Variants in PTGFRN observed in about 807,000 individuals in gnomAD.
PTGFRN encodes the protein prostaglandin F2 receptor negative regulator.
A neutral mutation model predicts 83.2 loss-of-function variants in PTGFRN; 35 were observed. That is an observed-to-expected ratio of 0.42 (90% CI 0.32 to 0.56). The LOEUF (loss-of-function observed/expected upper bound fraction) is 0.56, where lower values mean the gene tolerates loss of function less well. Ranked by LOEUF, PTGFRN falls within the 20% of genes least tolerant of loss-of-function variation. The pLI is 0.11. For synonymous variants in PTGFRN, 519 were observed against 498.6 expected (o/e 1.04, Z -0.55); for missense variants, 1,051 against 1,179.5 (o/e 0.89, Z 1.60).
At chr1:116,951,200 G>A (rs1160960690) in intron 4 of PTGFRN, among the ~76,000 whole-genome samples, 1 of 152,246 alleles carries the variant, frequency 6.6e-6, no homozygotes, top group African/African-American at 2.4e-5. Context: ...GCATACCCGG[G>A]GGGAGATGCA....
chr1:116,919,535 C>G (rs1206200575), intron 1 of PTGFRN, among the ~76,000 whole-genome samples: 1 of 152,158 alleles, frequency 6.6e-6, no homozygotes, highest in Admixed American at 6.5e-5. Flanking sequence ...GCAGCCGGAA[C>G]CAGCTAATGC....
chr1:116,967,048 G>A lies in PTGFRN; in HGVS notation c.1777G>A (p.Val593Ile), dbSNP rs1415522588. The A allele has an allele frequency of 6.2e-7, 1 of 1,614,236 alleles. No individual in the cohort carries two copies. Among genetic ancestry groups the A allele is most frequent in the Non-Finnish European group, 8.5e-7 (1 of 1,180,048 alleles). Residue 593 changes from valine to isoleucine, a missense_variant, in exon 6 of 9, where the codon GTC becomes ATC. This residue lies in a region of PTGFRN where 719 missense variants were observed against 836.6 expected (regional missense o/e 0.86). Coordinates refer to ENST00000393203, the MANE Select transcript of PTGFRN (RefSeq NM_020440.4). ...TGTTCTCATCATGGCTGAGAAGCCT[G>A]TCGGCGACCTCTCCAGTCCCAATGA... ...YSVLIMAEKP[V>I]GDLSSPNETK...
In PTGFRN at chr1:116,952,773, G is replaced by A. The variant is rs1650383980; in HGVS notation, c.1213+3201G>A. Among the ~76,000 whole-genome samples the A allele has an allele frequency of 6.6e-6, 1 of 152,112 alleles. No individual in the cohort carries two copies. Among genetic ancestry groups the A allele is most frequent in the Non-Finnish European group, 1.5e-5 (1 of 68,030 alleles). Reference sequence around the variant, plus strand: ...GGGCATTGGAAAAGATAATAGACAGGGCTTTCAACTGTTCTTTTACAAAAG... The same window carrying A: ...GGGCATTGGAAAAGATAATAGACAGAGCTTTCAACTGTTCTTTTACAAAAG... On this transcript the variant is annotated intron_variant, in intron 4 of 8. Coordinates refer to ENST00000393203, the MANE Select transcript of PTGFRN (RefSeq NM_020440.4). The surrounding 1 kb of genome is among the most constrained non-coding windows in gnomAD (Gnocchi z 4.0).
rs112016391 is a variant in PTGFRN, at chr1:116,950,002, AT to A, written c.1213+440del. 5.4e-4 allele frequency among the ~76,000 whole-genome samples: 80 copies of A among 149,018 alleles called. 1 individual carries two copies. The highest frequency in any genetic ancestry group is 8.7e-4 in the Admixed American group (13 of 14,926). ...ATAATTCCTTCAGTTATTAGAAAGC[AT>A]TTTTTTTTTCACGTCACGCCCTGGA... On this transcript the variant is annotated intron_variant, in intron 4 of 8. Transcript: ENST00000393203.
intron 1 of PTGFRN, among the ~76,000 whole-genome samples, chr1:116,912,044 A>G (rs558102105): frequency 6.6e-6 from 1 of 152,336 alleles, no homozygotes; most frequent in South Asian, 2.1e-4. Flanking sequence ...CCTGGGTACC[A>G]GTTATGAGGG....
Position 116,949,343 on chromosome 1 carries a change from C to T in PTGFRN, c.984C>T (p.Ser328=). The change falls in exon 4 of 9, where the codon TCC becomes TCT. Residue 328 remains serine, a synonymous_variant. Transcript: ENST00000393203. ...TGCCTGACAGCACCCTACCTGGCTC[C>T]CGCGTGTTGGCGCGGCTTGACCGTG... The part of the protein sequence containing the change: ...SRMPDSTLPG[S]RVLARLDRDS... 1 of 1,614,270 alleles carries T rather than the reference C, an allele frequency of 6.2e-7. No homozygotes were observed. The highest frequency in any genetic ancestry group is 8.5e-7 in the Non-Finnish European group (1 of 1,180,044).
intron 4 of PTGFRN, among the ~76,000 whole-genome samples, chr1:116,951,550 GA>G (rs1557740988): frequency 6.6e-6 from 1 of 152,202 alleles, no homozygotes; most frequent in Non-Finnish European, 1.5e-5. Flanking sequence ...ATGTGCATAG[GA>G]AAGCTAGAAT....
intron 1 of PTGFRN, among the ~76,000 whole-genome samples, chr1:116,925,008 G>GA (rs1256479445): frequency 1.3e-5 from 2 of 152,212 alleles, no homozygotes; most frequent in Non-Finnish European, 2.9e-5. Flanking sequence ...CTGAGGTGGG[G>GA]AAGGATCAGG....
intron 1 of PTGFRN, among the ~76,000 whole-genome samples, chr1:116,939,075 G>A (rs552024240): frequency 1.3e-5 from 2 of 152,184 alleles, no homozygotes; most frequent in African/African-American, 4.8e-5. Flanking sequence ...CCTCCCTCCC[G>A]GCTGCTTTCA....
At chr1:116,914,848 T>G (rs976213768) in intron 1 of PTGFRN, among the ~76,000 whole-genome samples, 7 of 144,000 alleles carry the variant, frequency 4.9e-5, no homozygotes, top group East Asian at 3.9e-4. Flanking sequence ...GAGTATTTTG[T>G]TTTTTTTTCC....
rs975488939 is a variant in PTGFRN, at chr1:116,923,018, G to A, written c.49+12766G>A. 3.3e-5 allele frequency among the ~76,000 whole-genome samples: 5 copies of A among 152,156 alleles called. No individual in the cohort carries two copies. Among genetic ancestry groups the A allele is most frequent in the Admixed American group, 6.5e-5 (1 of 15,278 alleles). Reference sequence around the variant, plus strand: ...CCGCCTACAGCATGGGCCAGCCTGCGTCAGCTCTTGGTGATGGGCTGTCAC... The same window carrying A: ...CCGCCTACAGCATGGGCCAGCCTGCATCAGCTCTTGGTGATGGGCTGTCAC... On this transcript the variant is annotated intron_variant, in intron 1 of 8. Coordinates refer to ENST00000393203, the MANE Select transcript of PTGFRN (RefSeq NM_020440.4). This position sits in a 1 kb window ranked among gnomAD's most constrained non-coding sequence, Gnocchi z 4.0.
chr1:116,942,217 TTAAA>T (rs1289595834), intron 2 of PTGFRN, 134 bp downstream of exon 2: 3 of 1,249,054 alleles, frequency 2.4e-6, no homozygotes, highest in Non-Finnish European at 3.3e-6. Context: ...TAATCATGTC[TTAAA>T]TAATCATGTC....
chr1:116,967,144 G>A lies in PTGFRN; in HGVS notation c.1873G>A (p.Val625Met), dbSNP rs2101080250. Residue 625 changes from valine to methionine, a missense_variant, in exon 6 of 9, where the codon GTG becomes ATG. Physicochemically the swap from Val to Met is conservative, Grantham distance 21. Around this residue, in one of 3 missense-constraint regions of PTGFRN, gnomAD observed 719 missense variants for 836.6 expected, o/e 0.86. Transcript: ENST00000393203. ...GGAGAATTGGACAGATGCATCACGG[G>A]TGGATGGCGTTGTTTTAGAAAAAGT... ...KLENWTDASR[V>M]DGVVLEKVQE... is the part of the protein sequence containing the mutation. The A allele has an allele frequency of 6.2e-7, 1 of 1,614,224 alleles. No individual in the cohort carries two copies. Among genetic ancestry groups the A allele is most frequent in the Non-Finnish European group, 8.5e-7 (1 of 1,180,048 alleles).
chr1:116,983,751 CA>C (rs1199786835), intron 7 of PTGFRN, among the ~76,000 whole-genome samples: 1 of 151,998 alleles, frequency 6.6e-6, no homozygotes, highest in Non-Finnish European at 1.5e-5. Flanking sequence ...TCTTGTTCGG[CA>C]AAAAATTGTG....
At chr1:116,917,698 C>T (rs974092642) in intron 1 of PTGFRN, among the ~76,000 whole-genome samples, 2 of 152,174 alleles carry the variant, frequency 1.3e-5, no homozygotes, top group Admixed American at 1.3e-4. Context: ...GGTGCAATCA[C>T]GGCTCATTGC....
At chr1:116,969,116 A>C (rs1650920529) in intron 6 of PTGFRN, among the ~76,000 whole-genome samples, 1 of 137,538 alleles carries the variant, frequency 7.3e-6, no homozygotes, top group Non-Finnish European at 1.6e-5. Flanking sequence ...AGTCCAGTTT[A>C]TCTGTTTTTT....
chr1:116,974,450 C>T (rs1651087892), intron 7 of PTGFRN, 127 bp downstream of exon 7: 1 of 701,404 alleles, frequency 1.4e-6, no homozygotes, highest in Admixed American at 2.7e-5. Flanking sequence ...ACTGCCTGGC[C>T]CAGTACTTTG....
chr1:116,966,081 G>C (rs1484356655), intron 5 of PTGFRN, among the ~76,000 whole-genome samples: 4 of 152,154 alleles, frequency 2.6e-5, no homozygotes, highest in Non-Finnish European at 5.9e-5. Flanking sequence ...CTTATTAAAG[G>C]ATAAAAAGAA....
chr1:116,944,951 C>T lies in PTGFRN; in HGVS notation c.691C>T (p.Arg231Cys), dbSNP rs1379077973. Residue 231 changes from arginine to cysteine, a missense_variant, in exon 3 of 9, where the codon CGC becomes TGC. By Grantham distance (180) the Arg-to-Cys change is radical. This residue lies in a region of PTGFRN where 205 missense variants were observed against 174.5 expected (regional missense o/e 1.17). Coordinates refer to ENST00000393203, the MANE Select transcript of PTGFRN (RefSeq NM_020440.4). The part of the protein sequence containing the change: ...RLDTVGSDAY[R>C]LSVSRALSAD... The stretch of plus-strand genomic sequence containing the variant: ...CGACACCGTGGGCAGCGACGCCTAC[C>T]GCCTCTCAGTGTCCCGGGCTCTGTC... 19 of 1,613,492 alleles carry T rather than the reference C, an allele frequency of 1.2e-5. No homozygotes were observed. The highest frequency in any genetic ancestry group is 1.6e-5 in the Non-Finnish European group (19 of 1,180,020).
Sources: allele counts gnomAD v4.1 joint callset (sites outside exome capture counted in the v4.1 genomes callset), GRCh38; gene constraint gnomAD v4.1.1; regional missense constraint gnomAD v4.1.1; non-coding constraint Gnocchi (gnomAD v3.1); transcripts MANE v1.5; gene names NCBI Gene and HGNC (gene_info 2026-07-23, HGNC 2026-07-21).